Variants in TTLL11 observed in about 807,000 individuals in gnomAD.
TTLL11 encodes tubulin polyglutamylase TTLL11.
TTLL11 carries 42 observed loss-of-function variants against 51.7 expected under a neutral mutation model. The observed-to-expected ratio is 0.81, with a 90% CI of 0.64 to 1.05. The LOEUF is 1.05. TTLL11 is among the 50% of genes least tolerant of loss of function. TTLL11 has a pLI of 0.00. For missense variants in TTLL11, 799 were observed against 940.4 expected, an observed-to-expected ratio of 0.85 and a Z score of 1.97; for synonymous variants, 381 against 383.5, an observed-to-expected ratio of 0.99 and a Z score of 0.08.
intron 6 of TTLL11, among the ~76,000 whole-genome samples, chr9:121,918,030 G>A (rs966733484): frequency 2.0e-5 from 3 of 152,076 alleles, no homozygotes; most frequent in African/African-American, 7.2e-5. Context: ...AGCCCTGTGA[G>A]CCTTGCAAAA....
intron 3 of TTLL11, among the ~76,000 whole-genome samples, chr9:122,005,902 G>A (rs1843628528): frequency 1.3e-5 from 2 of 152,128 alleles, no homozygotes; most frequent in Admixed American, 6.5e-5. Flanking sequence ...GCCATGAGCT[G>A]GGCAGTCCTG....
At chr9:122,073,822 C>G (rs959608477) in intron 1 of TTLL11, among the ~76,000 whole-genome samples, 10 of 152,218 alleles carry the variant, frequency 6.6e-5, no homozygotes, top group African/African-American at 2.4e-4. Context: ...TACCTCCAGG[C>G]TGACCTCATC....
At chr9:122,082,804 G>C (rs564493996) in intron 1 of TTLL11, among the ~76,000 whole-genome samples, 1 of 152,000 alleles carries the variant, frequency 6.6e-6, no homozygotes, top group Non-Finnish European at 1.5e-5. Flanking sequence ...AGGCTGAGGC[G>C]GGAGAATCAC....
chr9:121,848,030 G>T (rs1837567499), intron 8 of TTLL11, among the ~76,000 whole-genome samples: 1 of 152,000 alleles, frequency 6.6e-6, no homozygotes, highest in South Asian at 2.1e-4. Flanking sequence ...GTGAGACCCA[G>T]TCTCTACAAA....
intron 6 of TTLL11, among the ~76,000 whole-genome samples, chr9:121,894,857 C>G (rs923696973): frequency 6.6e-6 from 1 of 152,098 alleles, no homozygotes; most frequent in Non-Finnish European, 1.5e-5. Flanking sequence ...ATGTAACAAA[C>G]CTGCACCTTC....
At chr9:122,090,051 C>T (rs1353069563) in intron 1 of TTLL11, among the ~76,000 whole-genome samples, 2 of 152,162 alleles carry the variant, frequency 1.3e-5, no homozygotes, top group Non-Finnish European at 2.9e-5. Context: ...GTGGAAGAAG[C>T]AGTTACAGGT....
At chr9:121,984,276 C>T (rs1398101215) in intron 4 of TTLL11, among the ~76,000 whole-genome samples, 4 of 152,136 alleles carry the variant, frequency 2.6e-5, no homozygotes, top group Non-Finnish European at 4.4e-5. Context: ...TGGTTTCTTA[C>T]AACTTTAAGG....
intron 7 of TTLL11, among the ~76,000 whole-genome samples, chr9:121,867,352 C>G (rs1838209191): frequency 6.6e-6 from 1 of 152,172 alleles, no homozygotes; most frequent in South Asian, 2.1e-4. Context: ...GATGTGCTCT[C>G]CAGCTTGCCA....
chr9:121,943,661 T>C (rs1160881019), intron 6 of TTLL11, among the ~76,000 whole-genome samples: 1 of 152,186 alleles, frequency 6.6e-6, no homozygotes, highest in Non-Finnish European at 1.5e-5. Flanking sequence ...AACATCTGTC[T>C]CTCCACTCTC....
chr9:122,033,280 T>G (rs1236068543), intron 2 of TTLL11, among the ~76,000 whole-genome samples: 1 of 152,118 alleles, frequency 6.6e-6, no homozygotes, highest in Non-Finnish European at 1.5e-5. Flanking sequence ...GCCCAGCAAA[T>G]TTTTGTATTT....
chr9:122,071,175 C>T (rs568095664), intron 1 of TTLL11, among the ~76,000 whole-genome samples: 9 of 152,134 alleles, frequency 5.9e-5, no homozygotes, highest in Non-Finnish European at 8.8e-5. Flanking sequence ...TAGGAGAGGG[C>T]GTGCATGTGA....
At chr9:122,048,916 T>A (rs550331988) in intron 1 of TTLL11, among the ~76,000 whole-genome samples, 1 of 152,120 alleles carries the variant, frequency 6.6e-6, no homozygotes, top group East Asian at 1.9e-4. Flanking sequence ...GAGCCCATGA[T>A]CATCAGTGTA....
intron 4 of TTLL11, among the ~76,000 whole-genome samples, chr9:121,983,170 A>C (rs1287040146): frequency 6.6e-6 from 1 of 152,130 alleles, no homozygotes; most frequent in African/African-American, 2.4e-5. Flanking sequence ...TGGATGTATG[A>C]AGGAGGGAAA....
intron 1 of TTLL11, among the ~76,000 whole-genome samples, chr9:122,044,399 G>A (rs1442612003): frequency 2.0e-5 from 3 of 152,104 alleles, no homozygotes; most frequent in Non-Finnish European, 4.4e-5. Flanking sequence ...GGGTCAAATG[G>A]TATTTCTAGT....
chr9:121,906,339 A>ACT (rs10661179), intron 6 of TTLL11, among the ~76,000 whole-genome samples: 2,352 of 142,834 alleles, frequency 0.016, 61 homozygotes, highest in African/African-American at 0.062. Context: ...TTATGTAATA[A>ACT]TTTTTAAAAA....
chr9:121,881,090 G>A (rs1469352049), intron 6 of TTLL11, among the ~76,000 whole-genome samples: 1 of 152,188 alleles, frequency 6.6e-6, no homozygotes, highest in African/African-American at 2.4e-5. Flanking sequence ...TATGACAACT[G>A]TAATCAGTGG....
At chr9:121,955,178 C>T (rs1841982713) in intron 6 of TTLL11, among the ~76,000 whole-genome samples, 1 of 152,166 alleles carries the variant, frequency 6.6e-6, no homozygotes, top group South Asian at 2.1e-4. Context: ...AATACGAGCA[C>T]CGTTGGTTTA....
chr9:121,973,387 C>T (rs747704146), intron 6 of TTLL11, among the ~76,000 whole-genome samples: 1 of 152,172 alleles, frequency 6.6e-6, no homozygotes, highest in Non-Finnish European at 1.5e-5. Flanking sequence ...CCCTCTTCTC[C>T]TGCATTTTAT....
chr9:122,072,342 G>C, intron 1 of TTLL11, among the ~76,000 whole-genome samples: 1 of 151,954 alleles, frequency 6.6e-6, no homozygotes, highest in South Asian at 2.1e-4. Flanking sequence ...TGATCCAGCC[G>C]GAGTAAAATG....
Sources: gnomAD v4.1 joint callset for allele counts (sites outside exome capture counted in the v4.1 genomes callset) on GRCh38, gnomAD v4.1.1 for gene constraint, MANE v1.5 for transcripts, NCBI Gene and HGNC (gene_info 2026-07-23, HGNC 2026-07-21) for gene names.